RAI1: variants seen among roughly 807,000 people sequenced by gnomAD.
RAI1 encodes retinoic acid-induced protein 1.
RAI1 carries 9 observed loss-of-function variants against 123.8 expected under a neutral mutation model. The observed-to-expected ratio is 0.07, with a 90% confidence interval of 0.04 to 0.13. The LOEUF (loss-of-function observed/expected upper bound fraction) is 0.13. RAI1 is among the 10% of genes least tolerant of loss of function. The probability of loss-of-function intolerance (pLI) is 1.00; values close to 1 mark genes in which losing one functional copy is unlikely to be tolerated. For synonymous variants in RAI1, 1,231 were observed against 1,127.3 expected, an observed-to-expected ratio of 1.09 and a Z score of -1.84; for missense variants, 2,256 against 2,545.8, an observed-to-expected ratio of 0.89 and a Z score of 2.45.
rs1439840991 is a variant in RAI1 at position 17,795,471 on chromosome 17, C to T, written c.2523C>T (p.Ser841=). The T allele has an allele frequency of 6.3e-7, 1 of 1,584,600 alleles. No homozygotes were observed. Among genetic ancestry groups the T allele is most frequent in the Non-Finnish European group, 8.6e-7 (1 of 1,165,506 alleles). The change falls in exon 3 of 6, where the codon AGC becomes AGT. Residue 841 remains serine, a synonymous_variant. Transcript: ENST00000353383. This position sits in a 1 kb window ranked among gnomAD's most constrained non-coding sequence, Gnocchi z 5.9. ...VAKADRWLED[S]RHCCSTADFG... ...AGGCTGACCGGTGGCTGGAGGACAGCCGGCACTGCTGTTCCACCGCCGACT... is the reference window on the plus strand; with the variant it reads ...AGGCTGACCGGTGGCTGGAGGACAGTCGGCACTGCTGTTCCACCGCCGACT...
chr17:17,797,850 C>T lies in RAI1; in HGVS notation c.4902C>T (p.Ser1634=). The change falls in exon 3 of 6, where the codon TCC becomes TCT. Residue 1634 remains serine (S), a synonymous_variant. Transcript: ENST00000353383. ...AGCCTTCCTCCTCTGCCTCCTCTTC[C>T]TCATCCTCGTCCTCGTTCTCCTTGG... ...HRKPSSSASS[S]SSSSSFSLDA... is the part of the protein sequence containing the mutation. The T allele has an allele frequency of 6.2e-7, 1 of 1,614,036 alleles. No homozygotes were observed.
In RAI1 at chr17:17,796,734, G is replaced by A; in HGVS notation, c.3786G>A (p.Arg1262=). 1 of 1,613,500 alleles carries A rather than the reference G, an allele frequency of 6.2e-7. No homozygotes were observed. The highest frequency in any genetic ancestry group is 8.5e-7 in the Non-Finnish European group (1 of 1,179,890). ...SGNGGDGKEE[R]PEGSPTLFKR... ...ATGGGGGAGATGGGAAGGAGGAGAG[G>A]CCTGAGGGTTCCCCCACCCTCTTCA... Residue 1262 remains arginine (R), a synonymous_variant, in exon 3 of 6, where the codon AGG becomes AGA. Transcript: ENST00000353383. This position sits in a 1 kb window ranked among gnomAD's most constrained non-coding sequence, Gnocchi z 5.8.
chr17:17,797,213 A>C lies in RAI1; in HGVS notation c.4265A>C (p.Asp1422Ala). ...AACAGTAAGAAACTGTCTTCTACTG[A>C]CTGTTTCAAAACCGAGGCCTTCACA... is the stretch of plus-strand genomic sequence containing the variant. Reference protein sequence around the residue: ...LMNSKKLSSTDCFKTEAFTSP... With the variant: ...LMNSKKLSSTACFKTEAFTSP... Residue 1422 changes from aspartate (D) to alanine (A), a missense_variant, in exon 3 of 6, where the codon GAC becomes GCC. Around this residue, in one of 7 missense-constraint regions of RAI1, gnomAD observed 410 missense variants for 374.6 expected, o/e 1.09. Transcript: ENST00000353383. The C allele has an allele frequency of 6.2e-7, 1 of 1,613,754 alleles. No homozygotes were observed. Among genetic ancestry groups the C allele is most frequent in the South Asian group, 1.1e-5 (1 of 91,088 alleles).
rs1054502739 is a variant in RAI1, at chr17:17,810,262, C to T, written c.*281C>T. 5 of 504,032 alleles carry T rather than the reference C, an allele frequency of 9.9e-6. No homozygotes were observed. The highest frequency in any genetic ancestry group is 3.5e-6 in the Non-Finnish European group (1 of 289,490). The allele number at this position is 504,032 out of a possible 1,614,324, so 31.2% of individuals were successfully genotyped here. On this transcript the variant is annotated 3_prime_UTR_variant, in exon 6 of 6. Coordinates refer to ENST00000353383, the MANE Select transcript of RAI1 (RefSeq NM_030665.4). This position sits in a 1 kb window ranked among gnomAD's most constrained non-coding sequence, Gnocchi z 4.6. ...AGGGGCCAGGCTTGCGGAGGGGGAG[C>T]CCGCGGAGCGGCCAGACTCCCCGGG... is the stretch of plus-strand genomic sequence containing the variant.
chr17:17,761,035 TG>T (rs1374044532), intron 2 of RAI1, among the ~76,000 whole-genome samples: 1 of 152,208 alleles, frequency 6.6e-6, no homozygotes, highest in East Asian at 1.9e-4. Flanking sequence ...CAAACAGACC[TG>T]GGTTCAAGCC....
At chr17:17,766,900 T>C (rs562051675) in intron 2 of RAI1, among the ~76,000 whole-genome samples, 3 of 151,814 alleles carry the variant, frequency 2.0e-5, no homozygotes, top group African/African-American at 7.3e-5. Context: ...AGGAATCTGG[T>C]CTTGTGGCTT....
intron 2 of RAI1, among the ~76,000 whole-genome samples, chr17:17,784,589 C>T (rs2031755257): frequency 6.6e-6 from 1 of 152,206 alleles, no homozygotes; most frequent in Non-Finnish European, 1.5e-5. Context: ...GCTCGTTGCC[C>T]TTAACAGCTG....
At chr17:17,722,290 T>G (rs537232717) in intron 1 of RAI1, among the ~76,000 whole-genome samples, 19 of 152,276 alleles carry the variant, frequency 1.2e-4, no homozygotes, top group East Asian at 3.9e-4. Context: ...AATGAATGCA[T>G]GCGTGGGCGG....
chr17:17,785,006 C>A (rs1289302934), intron 2 of RAI1, among the ~76,000 whole-genome samples: 1 of 152,176 alleles, frequency 6.6e-6, no homozygotes, highest in African/African-American at 2.4e-5. Context: ...CCTCTCCCCA[C>A]CCCCATGGGC....
chr17:17,712,618 G>A (rs947994740), intron 1 of RAI1, among the ~76,000 whole-genome samples: 4 of 152,222 alleles, frequency 2.6e-5, no homozygotes, highest in African/African-American at 9.7e-5. Flanking sequence ...TCTGGGTGTT[G>A]TAATGGCTGA....
intron 1 of RAI1, among the ~76,000 whole-genome samples, chr17:17,716,609 CTGAG>C (rs1388728409): frequency 6.6e-6 from 1 of 152,076 alleles, no homozygotes; most frequent in Non-Finnish European, 1.5e-5. Flanking sequence ...GCCTGTGTGT[CTGAG>C]TGCACATTGT....
chr17:17,809,949 G>C lies in RAI1; in HGVS notation c.5710-21G>C. On this transcript the variant is annotated intron_variant, in intron 5 of 5. Transcript: ENST00000353383. This position sits in a 1 kb window ranked among gnomAD's most constrained non-coding sequence, Gnocchi z 4.9. ...TGAAGTCCGAGGTCGTCGGTAACTG[G>C]CGGGCGGGCGTCTTTTGCAGAGGCT... The C allele has an allele frequency of 6.4e-7, 1 of 1,559,330 alleles. No homozygotes were observed. Among genetic ancestry groups the C allele is most frequent in the Non-Finnish European group, 8.7e-7 (1 of 1,153,558 alleles).
intron 1 of RAI1, among the ~76,000 whole-genome samples, chr17:17,719,740 C>G (rs1915817123): frequency 6.6e-6 from 1 of 152,046 alleles, no homozygotes; most frequent in South Asian, 2.1e-4. Flanking sequence ...TAAATATGTA[C>G]CAAGCCAATG....
intron 2 of RAI1, among the ~76,000 whole-genome samples, chr17:17,733,201 C>T (rs1005735044): frequency 6.6e-5 from 10 of 152,084 alleles, no homozygotes; most frequent in South Asian, 4.1e-4. Context: ...TTCCCTGATC[C>T]GAGGCAGATT....
chr17:17,722,656 G>C (rs1293126793), intron 1 of RAI1, among the ~76,000 whole-genome samples: 1 of 152,194 alleles, frequency 6.6e-6, no homozygotes, highest in Non-Finnish European at 1.5e-5. Context: ...CTTCTGTGCT[G>C]CGCCAGAATC....
intron 2 of RAI1, among the ~76,000 whole-genome samples, chr17:17,737,399 C>T (rs1343596498): frequency 1.3e-5 from 2 of 152,150 alleles, no homozygotes; most frequent in African/African-American, 4.8e-5. Context: ...GGAACCTTTC[C>T]AGAATGCAGC....
chr17:17,757,363 C>CG (rs577459684), intron 2 of RAI1, among the ~76,000 whole-genome samples: 5 of 152,256 alleles, frequency 3.3e-5, no homozygotes, highest in East Asian at 1.9e-4. Flanking sequence ...TGGGCCAAGC[C>CG]GGGGGGCGGC....
intron 2 of RAI1, among the ~76,000 whole-genome samples, chr17:17,729,050 G>A (rs1373492867): frequency 6.6e-6 from 1 of 152,192 alleles, no homozygotes; most frequent in Non-Finnish European, 1.5e-5. Flanking sequence ...GCCTGGAGCA[G>A]CCTTGGGCTG....
intron 2 of RAI1, among the ~76,000 whole-genome samples, chr17:17,741,207 T>C (rs1417509558): frequency 6.6e-6 from 1 of 150,398 alleles, no homozygotes; most frequent in East Asian, 2.0e-4. Flanking sequence ...CCCTCCTGAG[T>C]CCCCTCTAAA....
Sources: gnomAD v4.1 joint callset for allele counts (sites outside exome capture counted in the v4.1 genomes callset) on GRCh38, gnomAD v4.1.1 for gene constraint, gnomAD v4.1.1 regional missense constraint, Gnocchi (gnomAD v3.1) non-coding constraint, MANE v1.5 for transcripts, NCBI Gene and HGNC (gene_info 2026-07-23, HGNC 2026-07-21) for gene names.